MECOM: variants seen among roughly 807,000 people sequenced by gnomAD.
MECOM encodes the protein histone-lysine N-methyltransferase MECOM.
In MECOM, 13 loss-of-function variants were observed where a neutral mutation model predicts 116.3. The ratio of observed to expected loss-of-function variants is 0.11; its 90% CI spans 0.07 to 0.18. The LOEUF is 0.18. Ranked by LOEUF, MECOM falls within the 10% of genes least tolerant of loss-of-function variation. MECOM has a pLI of 1.00. For synonymous variants in MECOM, 528 were observed against 535.2 expected, an observed-to-expected ratio of 0.99 and a Z score of 0.19; for missense variants, 1,299 against 1,509.0, an observed-to-expected ratio of 0.86 and a Z score of 2.31.
At chr3:169,449,778 A>G (rs1745247529) in intron 1 of MECOM, among the ~76,000 whole-genome samples, 1 of 152,170 alleles carries the variant, frequency 6.6e-6, no homozygotes. Context: ...AAAGAAATAC[A>G]ATGAAACCAT....
intron 2 of MECOM, among the ~76,000 whole-genome samples, chr3:169,317,802 G>T (rs930908762): frequency 3.9e-5 from 6 of 152,128 alleles, no homozygotes; most frequent in African/African-American, 1.4e-4. Context: ...GCAAAAAAGA[G>T]CCCGTATAGC....
chr3:169,454,796 G>T (rs1746201360), intron 1 of MECOM, among the ~76,000 whole-genome samples: 1 of 152,126 alleles, frequency 6.6e-6, no homozygotes, highest in Non-Finnish European at 1.5e-5. Flanking sequence ...TTCACAGGCA[G>T]AAAATAGCAT....
In MECOM at chr3:169,633,699, G is replaced by A. The variant is rs188291245; in HGVS notation, c.37+29637C>T. On this transcript the variant is annotated intron_variant, in intron 1 of 16. Transcript: ENST00000651503. ...AATGTCAGGGACCTCAGCCCCTTGT[G>A]CAGTGATCTGGTCTCATCGTGCCTT... Among the ~76,000 whole-genome samples, 113 of 152,198 alleles carry A rather than the reference G, an allele frequency of 7.4e-4. 1 individual carries two copies. The highest frequency in any genetic ancestry group is 2.6e-3 in the African/African-American group (107 of 41,528).
intron 2 of MECOM, among the ~76,000 whole-genome samples, chr3:169,277,792 T>A (rs1759791212): frequency 6.6e-6 from 1 of 152,190 alleles, no homozygotes; most frequent in African/African-American, 2.4e-5. Context: ...AACTCTGCTC[T>A]AACTATTAAA....
chr3:169,311,631 T>A (rs1417064121), intron 2 of MECOM, among the ~76,000 whole-genome samples: 1 of 152,210 alleles, frequency 6.6e-6, no homozygotes, highest in Non-Finnish European at 1.5e-5. Flanking sequence ...CCTGGTCTTT[T>A]TGATCAAGTC....
chr3:169,233,385 C>A (rs547145449), intron 2 of MECOM, among the ~76,000 whole-genome samples: 1 of 151,976 alleles, frequency 6.6e-6, no homozygotes, highest in East Asian at 1.9e-4. Flanking sequence ...GAGGTATATG[C>A]AGTAAAATGG....
At chr3:169,277,142 G>A (rs1378402335) in intron 2 of MECOM, among the ~76,000 whole-genome samples, 1 of 152,096 alleles carries the variant, frequency 6.6e-6, no homozygotes, top group African/African-American at 2.4e-5. Flanking sequence ...GCATTATAGA[G>A]TAAGAGAGAA....
At chr3:169,092,871 G>A in intron 14 of MECOM, 87 bp downstream of exon 14, 2 of 1,498,928 alleles carry the variant, frequency 1.3e-6, no homozygotes, top group Non-Finnish European at 1.8e-6. Context: ...AGTAATAGTA[G>A]TGCCACAAAA....
At chr3:169,542,154 A>G (rs978852593) in intron 1 of MECOM, among the ~76,000 whole-genome samples, 4 of 152,230 alleles carry the variant, frequency 2.6e-5, no homozygotes, top group African/African-American at 9.6e-5. Context: ...CCTAAAACGC[A>G]TTGAAAGTTT....
chr3:169,333,569 C>T (rs1274531538), intron 2 of MECOM, among the ~76,000 whole-genome samples: 1 of 151,868 alleles, frequency 6.6e-6, no homozygotes, highest in African/African-American at 2.4e-5. Flanking sequence ...AAATTATTTG[C>T]CGAATAAAAG....
intron 1 of MECOM, among the ~76,000 whole-genome samples, chr3:169,453,257 G>T (rs1745907979): frequency 6.6e-6 from 1 of 152,224 alleles, no homozygotes; most frequent in Admixed American, 6.5e-5. Flanking sequence ...TATCCTGATT[G>T]TGTTTGGGAT....
intron 1 of MECOM, among the ~76,000 whole-genome samples, chr3:169,429,105 C>G (rs1344772125): frequency 6.6e-6 from 1 of 152,198 alleles, no homozygotes; most frequent in African/African-American, 2.4e-5. Context: ...AAATGAGAGA[C>G]TGGAGTCAAC....
intron 1 of MECOM, among the ~76,000 whole-genome samples, chr3:169,431,165 G>A (rs1425379574): frequency 2.0e-5 from 3 of 152,182 alleles, no homozygotes; most frequent in Non-Finnish European, 4.4e-5. Context: ...AAGAAGCAAG[G>A]TTGAACTATG....
intron 2 of MECOM, among the ~76,000 whole-genome samples, chr3:169,342,465 T>C (rs1724707052): frequency 6.6e-6 from 1 of 152,246 alleles, no homozygotes; most frequent in South Asian, 2.1e-4. Flanking sequence ...TATAAAATTA[T>C]CACTACAGCA....
At chr3:169,163,420 T>C (rs1249768272) in intron 2 of MECOM, among the ~76,000 whole-genome samples, 3 of 152,110 alleles carry the variant, frequency 2.0e-5, no homozygotes, top group African/African-American at 7.2e-5. Flanking sequence ...TAGCAAGTCA[T>C]TGAAGTAATA....
At chr3:169,301,700 A>C (rs1201432048) in intron 2 of MECOM, among the ~76,000 whole-genome samples, 1 of 152,228 alleles carries the variant, frequency 6.6e-6, no homozygotes, top group Non-Finnish European at 1.5e-5. Context: ...TATGTAAAAG[A>C]TATGCTAATT....
chr3:169,462,048 G>A (rs561522679), intron 1 of MECOM, among the ~76,000 whole-genome samples: 31 of 152,132 alleles, frequency 2.0e-4, no homozygotes, highest in Admixed American at 1.0e-3. Flanking sequence ...ATACACTAGC[G>A]TGTAACTGGG....
rs547605766 is a variant in MECOM, at chr3:169,563,486, G to T, written c.37+99850C>A. Among the ~76,000 whole-genome samples the T allele has an allele frequency of 4.6e-5, 7 of 152,244 alleles. No individual in the cohort carries two copies. In the East Asian group the frequency reaches 1.4e-3, roughly 29 times the overall value. On this transcript the variant is annotated intron_variant, in intron 1 of 16. Coordinates refer to ENST00000651503, the MANE Select transcript of MECOM (RefSeq NM_004991.4). Reference sequence around the variant, plus strand: ...TTTTGTGAACAAATATCCCAAAACAGTCAAGCCCAACCAGCCTGAAATGTG... The same window carrying T: ...TTTTGTGAACAAATATCCCAAAACATTCAAGCCCAACCAGCCTGAAATGTG...
chr3:169,417,360 C>T (rs1458085987), intron 1 of MECOM, among the ~76,000 whole-genome samples: 1 of 151,838 alleles, frequency 6.6e-6, no homozygotes, highest in Non-Finnish European at 1.5e-5. Flanking sequence ...TGAAAAAATG[C>T]TCACCATCAC....
Sources: allele counts gnomAD v4.1 joint callset (sites outside exome capture counted in the v4.1 genomes callset), GRCh38; gene constraint gnomAD v4.1.1; transcripts MANE v1.5; gene names NCBI Gene and HGNC (gene_info 2026-07-23, HGNC 2026-07-21).